The following GALNT13 variants were observed in gnomAD, a reference collection of about 807,000 sequenced individuals.
The protein encoded by GALNT13 is UDP-GalNAc:polypeptide N-acetylgalactosaminyltransferase 13.
In GALNT13, 28 loss-of-function variants were observed where a neutral mutation model predicts 64.2. That is an observed-to-expected ratio of 0.44 (90% CI 0.32 to 0.60). The LOEUF is 0.60. GALNT13 is among the 20% of genes least tolerant of loss of function. The pLI, the probability that GALNT13 is intolerant of heterozygous loss-of-function variation, is 0.05. For synonymous variants in GALNT13, 214 were observed against 224.6 expected (o/e 0.95, Z 0.42); for missense variants, 577 against 669.8 (o/e 0.86, Z 1.53).
the GALNT13 span, among the ~76,000 whole-genome samples, chr2:153,118,143 ACACC>A: frequency 1.1e-3 from 158 of 147,790 alleles, 3 homozygotes; most frequent in South Asian, 4.0e-3. Flanking sequence ...ACACACACAC[ACACC>A]CCACATAAAC....
chr2:153,572,596 C>T, the GALNT13 span, among the ~76,000 whole-genome samples: 9 of 151,686 alleles, frequency 5.9e-5, no homozygotes, highest in East Asian at 3.9e-4. Context: ...AGCTTCCCTC[C>T]GAGTATTGCT....
At chr2:154,371,950 A>C (rs969779311) in intron 9 of GALNT13, among the ~76,000 whole-genome samples, 2 of 152,058 alleles carry the variant, frequency 1.3e-5, no homozygotes, top group African/African-American at 2.4e-5. Context: ...ACACAAGTTT[A>C]ACCACTTATA....
intron 3 of GALNT13, among the ~76,000 whole-genome samples, chr2:154,098,178 A>C (rs1166896026): frequency 6.8e-6 from 1 of 147,724 alleles, no homozygotes; most frequent in East Asian, 2.0e-4. Flanking sequence ...TTTGAACGGC[A>C]CTGACCTGCC....
the GALNT13 span, among the ~76,000 whole-genome samples, chr2:153,447,403 T>C: frequency 3.9e-5 from 6 of 152,164 alleles, no homozygotes; most frequent in Non-Finnish European, 8.8e-5. Flanking sequence ...GCACTGATTA[T>C]TTCATGTGGC....
chr2:153,889,850 T>G (rs577057970), intron 1 of GALNT13, among the ~76,000 whole-genome samples: 177 of 152,120 alleles, frequency 1.2e-3, no homozygotes, highest in African/African-American at 3.9e-3. Flanking sequence ...AGATACATAC[T>G]TACCAGTGGG....
chr2:153,423,354 G>A, the GALNT13 span: 5 of 151,554 alleles, frequency 3.3e-5, no homozygotes, highest in Admixed American at 2.6e-4. Flanking sequence ...AGGAGTAAGG[G>A]ACCCTATTTA....
chr2:153,567,561 C>G, the GALNT13 span, among the ~76,000 whole-genome samples: 1 of 152,108 alleles, frequency 6.6e-6, no homozygotes, highest in African/African-American at 2.4e-5. Flanking sequence ...CTAACAGCAC[C>G]AAGCAAATCT....
the GALNT13 span, among the ~76,000 whole-genome samples, chr2:153,076,085 C>CT: frequency 6.6e-6 from 1 of 151,842 alleles, no homozygotes; most frequent in Non-Finnish European, 1.5e-5. Flanking sequence ...TGTAAAAAGT[C>CT]TTTTTGTTTT....
chr2:153,952,057 C>T (rs1460264477), intron 3 of GALNT13, among the ~76,000 whole-genome samples: 2 of 152,106 alleles, frequency 1.3e-5, no homozygotes, highest in Non-Finnish European at 2.9e-5. Context: ...TTAACCCTTT[C>T]GTGCCACTCT....
chr2:153,693,577 C>T, the GALNT13 span, among the ~76,000 whole-genome samples: 3 of 151,754 alleles, frequency 2.0e-5, no homozygotes, highest in African/African-American at 4.8e-5. Context: ...CAATAGAATG[C>T]GTGGCCTGTA....
At chr2:153,780,236 T>TATATATATATATGC in the GALNT13 span, among the ~76,000 whole-genome samples, 13 of 11,202 alleles carry the variant, frequency 1.2e-3, no homozygotes, top group African/African-American at 2.6e-3. Flanking sequence ...TATATATATA[T>TATATATATATATGC]ATATATATAT....
At chr2:153,119,579 C>T in the GALNT13 span, among the ~76,000 whole-genome samples, 2 of 152,118 alleles carry the variant, frequency 1.3e-5, no homozygotes, top group Non-Finnish European at 2.9e-5. Context: ...GTATTTTATA[C>T]ATCTTAATGT....
At chr2:153,786,335 C>T in the GALNT13 span, among the ~76,000 whole-genome samples, 4 of 152,300 alleles carry the variant, frequency 2.6e-5, no homozygotes, top group South Asian at 8.3e-4. Context: ...CACACTGCAG[C>T]CACCATTTGG....
At chr2:153,245,747 A>G in the GALNT13 span, among the ~76,000 whole-genome samples, 8 of 151,932 alleles carry the variant, frequency 5.3e-5, no homozygotes, top group Non-Finnish European at 7.3e-5. Flanking sequence ...TTCTTCTTCA[A>G]ATGATTGTAA....
At chr2:154,329,248 G>C (rs902348652) in intron 9 of GALNT13, among the ~76,000 whole-genome samples, 8 of 152,076 alleles carry the variant, frequency 5.3e-5, no homozygotes, top group Admixed American at 1.3e-4. Context: ...TGGGACTACA[G>C]GTGCTTGCCA....
intron 4 of GALNT13, among the ~76,000 whole-genome samples, chr2:154,152,114 A>G (rs1684071679): frequency 1.3e-5 from 2 of 152,228 alleles, no homozygotes; most frequent in South Asian, 2.1e-4. Context: ...GAGCTCTTTT[A>G]GGGCAGGCCT....
chr2:153,800,454 A>G, the GALNT13 span, among the ~76,000 whole-genome samples: 1 of 152,142 alleles, frequency 6.6e-6, no homozygotes, highest in East Asian at 1.9e-4. Context: ...AAATAAGACA[A>G]TAATGAAGTT....
chr2:153,981,559 A>G (rs1458781504), intron 3 of GALNT13, among the ~76,000 whole-genome samples: 1 of 151,970 alleles, frequency 6.6e-6, no homozygotes, highest in Non-Finnish European at 1.5e-5. Flanking sequence ...ATCCTTTTTT[A>G]TGGCTGCATA....
At chr2:153,094,874 T>C in the GALNT13 span, among the ~76,000 whole-genome samples, 1 of 152,148 alleles carries the variant, frequency 6.6e-6, no homozygotes, top group South Asian at 2.1e-4. Flanking sequence ...TTACACCTTA[T>C]ACAAAAATTA....
Sources: allele counts gnomAD v4.1 joint callset (sites outside exome capture counted in the v4.1 genomes callset), GRCh38; gene constraint gnomAD v4.1.1; transcripts MANE v1.5; gene names NCBI Gene and HGNC (gene_info 2026-07-23, HGNC 2026-07-21).